The following PANK1 variants were observed in gnomAD, a reference collection of about 807,000 sequenced individuals.
PANK1 encodes pantothenate kinase 1, also known as pantothenic acid kinase 1.
Under a neutral mutation model 40.1 loss-of-function variants are expected in PANK1, and 18 were observed. The observed-to-expected ratio is 0.45, with a 90% CI of 0.31 to 0.67. The LOEUF (loss-of-function observed/expected upper bound fraction) is 0.67, where lower values mean the gene tolerates loss of function less well. PANK1 is among the 30% of genes least tolerant of loss of function. The pLI, the probability that PANK1 is intolerant of heterozygous loss-of-function variation, is 0.06. For synonymous variants in PANK1, 242 were observed against 237.7 expected, an observed-to-expected ratio of 1.02 and a Z score of -0.17; for missense variants, 457 against 599.6, an observed-to-expected ratio of 0.76 and a Z score of 2.48.
intron 1 of PANK1, among the ~76,000 whole-genome samples, chr10:89,633,245 T>C (rs757788958): frequency 3.0e-4 from 45 of 152,194 alleles, no homozygotes; most frequent in Non-Finnish European, 1.2e-4. Context: ...CTGTATAAGT[T>C]GGCTTTAGCA....
intron 3 of PANK1, among the ~76,000 whole-genome samples, chr10:89,598,707 T>C (rs1844683421): frequency 6.6e-6 from 1 of 151,858 alleles, no homozygotes; most frequent in African/African-American, 2.4e-5. Flanking sequence ...ACCATGGCCA[T>C]GGGGCTGTTT....
chr10:89,615,988 A>G (rs898346514), intron 1 of PANK1, among the ~76,000 whole-genome samples: 1 of 152,216 alleles, frequency 6.6e-6, no homozygotes, highest in African/African-American at 2.4e-5. Flanking sequence ...ACTACTAATA[A>G]GAGCTTATTC....
At position 89,595,826 on chromosome 10, in the gene PANK1, AAAAAAAAATATATATATATAT is replaced by A. The variant is rs1314626126; in HGVS notation, c.900-1858_900-1838del. 6.4e-4 allele frequency among the ~76,000 whole-genome samples: 49 copies of A among 77,004 alleles called. 2 individuals carry two copies. Among genetic ancestry groups the A allele is most frequent in the African/African-American group, 2.0e-3 (38 of 18,590 alleles). The allele number at this position is 77,004 out of a possible 152,430, so 50.5% of individuals were successfully genotyped here. ...AGCCGGACTCCATCTTAAAAAAAAAAAAAAAAAATATATATATATATATATATATATATATATATATATATA... is the reference window on the plus strand; with the variant it reads ...AGCCGGACTCCATCTTAAAAAAAAAAATATATATATATATATATATATATA... On this transcript the variant is annotated intron_variant, in intron 3 of 6. Coordinates refer to ENST00000307534, the MANE Select transcript of PANK1 (RefSeq NM_148977.3).
chr10:89,588,033 TTTGA>T (rs1268354441), intron 6 of PANK1, among the ~76,000 whole-genome samples: 1 of 152,140 alleles, frequency 6.6e-6, no homozygotes, highest in African/African-American at 2.4e-5. Context: ...CTTCTATGAG[TTTGA>T]TTGTTTTAGA....
chr10:89,643,958 C>A, intron 1 of PANK1: 2 of 1,003,012 alleles, frequency 2.0e-6, no homozygotes, highest in Non-Finnish European at 1.4e-6. Context: ...AAAAAAAAAT[C>A]CACCTCCAAT....
At chr10:89,639,944 T>C (rs759002435) in intron 1 of PANK1, among the ~76,000 whole-genome samples, 8 of 152,208 alleles carry the variant, frequency 5.3e-5, no homozygotes, top group Non-Finnish European at 1.0e-4. Context: ...CATGGACCTA[T>C]CTTTTCCGAA....
intron 1 of PANK1, chr10:89,643,913 T>C: frequency 7.4e-7 from 1 of 1,357,266 alleles, no homozygotes; most frequent in Non-Finnish European, 9.6e-7. Context: ...TACATTACAA[T>C]TACAAACCCT....
At chr10:89,643,623 T>C (rs1487261586) in intron 1 of PANK1, 4 of 1,166,276 alleles carry the variant, frequency 3.4e-6, no homozygotes, top group East Asian at 2.4e-5. Flanking sequence ...CAAAACCTAC[T>C]TAACAATTTC....
At chr10:89,611,636 G>C in intron 2 of PANK1, 60 bp downstream of exon 2, 1 of 1,221,176 alleles carries the variant, frequency 8.2e-7, no homozygotes, top group Non-Finnish European at 1.2e-6. Flanking sequence ...CGGTATGAGT[G>C]GCCATGATTA....
intron 1 of PANK1, among the ~76,000 whole-genome samples, chr10:89,628,678 T>C (rs1408321461): frequency 6.6e-6 from 1 of 152,250 alleles, no homozygotes; most frequent in Non-Finnish European, 1.5e-5. Context: ...ATGTGAATTA[T>C]ATCTTAATTT....
chr10:89,644,556 C>A (rs1292897805), intron 1 of PANK1, 44 bp downstream of exon 1: 3 of 1,541,234 alleles, frequency 1.9e-6, no homozygotes, highest in Non-Finnish European at 1.7e-6. Context: ...GCCCCGCACG[C>A]TGCGTCTGCC....
Position 89,589,112 on chromosome 10 carries a change from A to T in PANK1, c.1201-335T>A, listed in dbSNP as rs1055448642. 2.0e-5 allele frequency among the ~76,000 whole-genome samples: 3 copies of T among 152,160 alleles called. No homozygotes were observed. The South Asian group carries it at 6.2e-4, about 32-fold the overall frequency. ...GGAGTTCAAGTTCAGCTAAATTTTC[A>T]TGTGTAATACCTCAATCCCCCAACT... On this transcript the variant is annotated intron_variant, in intron 5 of 6. Transcript: ENST00000307534.
At chr10:89,598,050 T>A (rs558849592) in intron 3 of PANK1, among the ~76,000 whole-genome samples, 1 of 152,326 alleles carries the variant, frequency 6.6e-6, no homozygotes, top group East Asian at 1.9e-4. Flanking sequence ...AACAGCAGCA[T>A]TAGTGATATT....
intron 3 of PANK1, among the ~76,000 whole-genome samples, chr10:89,595,138 T>C (rs1018413227): frequency 6.6e-6 from 1 of 152,202 alleles, no homozygotes; most frequent in Non-Finnish European, 1.5e-5. Context: ...GATAGGTACA[T>C]AGTTCTTGAA....
At chr10:89,594,767 C>A (rs1229322976) in intron 3 of PANK1, among the ~76,000 whole-genome samples, 1 of 152,068 alleles carries the variant, frequency 6.6e-6, no homozygotes, top group Non-Finnish European at 1.5e-5. Flanking sequence ...ACAGCCTAGA[C>A]AAAATTAGAA....
In PANK1 at chr10:89,584,485, C is replaced by G. The variant is rs764448687; in HGVS notation, c.1327-20G>C. 8 of 1,556,912 alleles carry G rather than the reference C, an allele frequency of 5.1e-6. No homozygotes were observed. The Admixed American group carries it at 1.2e-4, about 23-fold the overall frequency. ...ATAACCCTACGAAAACAATACAAAACGATGATCTCTGAACCTTAGCCAAAT... is the reference window on the plus strand; with the variant it reads ...ATAACCCTACGAAAACAATACAAAAGGATGATCTCTGAACCTTAGCCAAAT... On this transcript the variant is annotated intron_variant, in intron 6 of 6. Transcript: ENST00000307534.
chr10:89,619,756 G>T (rs1445210470), intron 1 of PANK1, among the ~76,000 whole-genome samples: 1 of 152,166 alleles, frequency 6.6e-6, no homozygotes, highest in Non-Finnish European at 1.5e-5. Flanking sequence ...GGTGCAGCAG[G>T]ACTGAAATTT....
chr10:89,617,358 T>C (rs1845351378), intron 1 of PANK1, among the ~76,000 whole-genome samples: 1 of 152,228 alleles, frequency 6.6e-6, no homozygotes, highest in Non-Finnish European at 1.5e-5. Flanking sequence ...GGAAGGCAGA[T>C]AATACACCTA....
intron 1 of PANK1, among the ~76,000 whole-genome samples, chr10:89,628,825 G>A (rs1417974549): frequency 2.0e-5 from 3 of 152,188 alleles, no homozygotes; most frequent in Non-Finnish European, 4.4e-5. Context: ...TCTTCTTGAT[G>A]ATTCACAGTC....
Sources: allele counts gnomAD v4.1 joint callset (sites outside exome capture counted in the v4.1 genomes callset), GRCh38; gene constraint gnomAD v4.1.1; transcripts MANE v1.5; gene names NCBI Gene and HGNC (gene_info 2026-07-23, HGNC 2026-07-21).